NELL1: variants seen among roughly 807,000 people sequenced by gnomAD.
NELL1 encodes the protein neural EGFL like 1, also known as protein kinase C-binding protein NELL1.
In NELL1, 76 loss-of-function variants were observed where a neutral mutation model predicts 107.4. The observed-to-expected ratio is 0.71, with a 90% CI of 0.59 to 0.86. The LOEUF (loss-of-function observed/expected upper bound fraction) is 0.86, where lower values mean the gene tolerates loss of function less well. Among genes scored for constraint, NELL1 ranks in the 40% least tolerant of loss-of-function variants. NELL1 has a pLI of 0.00. For missense variants in NELL1, 1,024 were observed against 1,005.5 expected, an observed-to-expected ratio of 1.02 and a Z score of -0.25; for synonymous variants, 353 against 341.2, an observed-to-expected ratio of 1.03 and a Z score of -0.38.
At chr11:21,354,320 T>C (rs1850881790) in intron 14 of NELL1, among the ~76,000 whole-genome samples, 1 of 152,082 alleles carries the variant, frequency 6.6e-6, no homozygotes, top group Admixed American at 6.6e-5. Flanking sequence ...CTTTTCTTTA[T>C]TTATTGTTTG....
At chr11:21,255,314 G>T (rs1858741689) in intron 14 of NELL1, among the ~76,000 whole-genome samples, 1 of 152,052 alleles carries the variant, frequency 6.6e-6, no homozygotes, top group Non-Finnish European at 1.5e-5. Flanking sequence ...AAGTAATTGT[G>T]TTGTTCTTTT....
At chr11:21,336,539 A>T (rs1291085351) in intron 14 of NELL1, among the ~76,000 whole-genome samples, 1 of 151,906 alleles carries the variant, frequency 6.6e-6, no homozygotes, top group African/African-American at 2.4e-5. Context: ...CAAACAGTGG[A>T]TTTGCTCAAG....
chr11:21,140,748 C>T (rs1231422766), intron 13 of NELL1, among the ~76,000 whole-genome samples: 1 of 152,026 alleles, frequency 6.6e-6, no homozygotes. Flanking sequence ...TTATAGAAAA[C>T]CTTTCTTCAA....
chr11:21,362,510 G>A (rs187495781), intron 14 of NELL1, among the ~76,000 whole-genome samples: 8 of 152,266 alleles, frequency 5.3e-5, no homozygotes, highest in African/African-American at 7.2e-5. Flanking sequence ...ACACCCTTAC[G>A]ACTTCTGGTT....
intron 13 of NELL1, among the ~76,000 whole-genome samples, chr11:21,221,275 C>T (rs1857749946): frequency 6.6e-6 from 1 of 152,074 alleles, no homozygotes; most frequent in Admixed American, 6.6e-5. Context: ...CTGTTGTATT[C>T]AGTTTGCTAG....
At chr11:21,131,803 T>A (rs930937808) in intron 13 of NELL1, among the ~76,000 whole-genome samples, 2 of 152,194 alleles carry the variant, frequency 1.3e-5, no homozygotes, top group Non-Finnish European at 2.9e-5. Flanking sequence ...ATTTCTTTGG[T>A]GGTGTTTGTT....
At chr11:21,335,218 A>C (rs1406139399) in intron 14 of NELL1, among the ~76,000 whole-genome samples, 1 of 152,068 alleles carries the variant, frequency 6.6e-6, no homozygotes. Context: ...TTCTATTTTA[A>C]TTCTATCCTG....
At chr11:20,980,489 G>C (rs895410560) in intron 12 of NELL1, among the ~76,000 whole-genome samples, 4 of 152,164 alleles carry the variant, frequency 2.6e-5, no homozygotes, top group Admixed American at 2.6e-4. Context: ...TCTGGACCTA[G>C]AGTCAGAGTT....
intron 15 of NELL1, 61 bp from the exon 16 acceptor site, chr11:21,534,313 T>G: frequency 6.3e-7 from 1 of 1,599,528 alleles, no homozygotes; most frequent in Admixed American, 1.7e-5. Flanking sequence ...AGGCATTTCC[T>G]GAAAGGTTAG....
At chr11:21,239,238 C>T (rs1432794778) in intron 14 of NELL1, among the ~76,000 whole-genome samples, 1 of 151,948 alleles carries the variant, frequency 6.6e-6, no homozygotes, top group East Asian at 1.9e-4. Flanking sequence ...TAATACACAC[C>T]TATTTATGCA....
At chr11:20,948,963 A>G (rs937133288) in intron 11 of NELL1, among the ~76,000 whole-genome samples, 9 of 151,590 alleles carry the variant, frequency 5.9e-5, no homozygotes, top group Admixed American at 4.6e-4. Flanking sequence ...TTTTTTTCCT[A>G]TCTTTTCTGT....
At chr11:20,942,201 T>G (rs1468121182) in intron 10 of NELL1, among the ~76,000 whole-genome samples, 1 of 152,222 alleles carries the variant, frequency 6.6e-6, no homozygotes, top group African/African-American at 2.4e-5. Context: ...ATTCCCTATA[T>G]TCTGTCTCTC....
At chr11:21,369,287 G>C (rs1001364969) in intron 14 of NELL1, among the ~76,000 whole-genome samples, 1 of 151,488 alleles carries the variant, frequency 6.6e-6, no homozygotes, top group Non-Finnish European at 1.5e-5. Context: ...TTTGGGACAA[G>C]AGATTTTACC....
intron 16 of NELL1, among the ~76,000 whole-genome samples, chr11:21,543,709 T>A (rs955085666): frequency 1.3e-5 from 2 of 152,000 alleles, no homozygotes; most frequent in Admixed American, 6.6e-5. Context: ...CTATTTAGCA[T>A]GTGGGCTAAA....
chr11:21,517,048 C>T (rs917450073), intron 15 of NELL1, among the ~76,000 whole-genome samples: 4 of 152,102 alleles, frequency 2.6e-5, no homozygotes, highest in African/African-American at 7.2e-5. Context: ...CCTCAGCCCC[C>T]AAAGTGCTGG....
chr11:21,065,485 G>A (rs59977047), intron 12 of NELL1, among the ~76,000 whole-genome samples: 1,681 of 152,172 alleles, frequency 0.011, 22 homozygotes, highest in African/African-American at 0.039. Flanking sequence ...GATGTCTATA[G>A]AATTATTAAG....
At chr11:21,574,646 C>T (rs1485345928) in intron 19 of NELL1, among the ~76,000 whole-genome samples, 4 of 151,644 alleles carry the variant, frequency 2.6e-5, no homozygotes, top group Non-Finnish European at 4.4e-5. Flanking sequence ...TGGAAAGAAT[C>T]TCGCTTGGAA....
At chr11:21,283,982 G>C in intron 14 of NELL1, 1 of 350,518 alleles carries the variant, frequency 2.9e-6, no homozygotes, top group South Asian at 2.2e-5. Context: ...CACTGGGACT[G>C]AACTTATGCT....
chr11:20,792,877 T>C lies in NELL1; in HGVS notation c.335+9047T>C, dbSNP rs546728175. On this transcript the variant is annotated intron_variant, in intron 3 of 19. Coordinates refer to ENST00000357134, the MANE Select transcript of NELL1 (RefSeq NM_006157.5). Reference sequence around the variant, plus strand: ...TAAACATTTAAATGTTTTAATACATTAATAAGTGAGATGCCATAGATTTTT... The same window carrying C: ...TAAACATTTAAATGTTTTAATACATCAATAAGTGAGATGCCATAGATTTTT... Among the ~76,000 whole-genome samples, 441 of 152,112 alleles carry C rather than the reference T, an allele frequency of 2.9e-3. 1 individual carries two copies. Among genetic ancestry groups the C allele is most frequent in the Non-Finnish European group, 5.1e-3 (349 of 67,826 alleles).
Sources: allele counts gnomAD v4.1 joint callset (sites outside exome capture counted in the v4.1 genomes callset), GRCh38; gene constraint gnomAD v4.1.1; transcripts MANE v1.5; gene names NCBI Gene and HGNC (gene_info 2026-07-23, HGNC 2026-07-21).